The following RECQL5 variants were observed in gnomAD, a reference collection of about 807,000 sequenced individuals.
The protein encoded by RECQL5 is ATP-dependent DNA helicase Q5.
In RECQL5, 88 loss-of-function variants were observed where a neutral mutation model predicts 103.4. That is an observed-to-expected ratio of 0.85 (90% CI 0.72 to 1.02). The LOEUF is 1.02. Ranked by LOEUF, RECQL5 falls within the 50% of genes least tolerant of loss-of-function variation. RECQL5 has a pLI of 0.00. For synonymous variants in RECQL5, 552 were observed against 507.9 expected (o/e 1.09, Z -1.17); for missense variants, 1,232 against 1,284.3 (o/e 0.96, Z 0.62).
At chr17:75,652,010 T>C (rs1282810587) in intron 7 of RECQL5, among the ~76,000 whole-genome samples, 2 of 152,124 alleles carry the variant, frequency 1.3e-5, no homozygotes, top group East Asian at 3.9e-4. Flanking sequence ...GCGGATCACC[T>C]GGGGTCAAGA....
chr17:75,650,965 C>A (rs1464232291), intron 8 of RECQL5: 78 of 1,475,670 alleles, frequency 5.3e-5, no homozygotes, highest in Non-Finnish European at 6.7e-5. Context: ...AAGGACACCA[C>A]TCAGAATACT....
chr17:75,658,163 T>A (rs1326319445), intron 7 of RECQL5, 135 bp downstream of exon 7: 1 of 815,800 alleles, frequency 1.2e-6, no homozygotes, highest in Non-Finnish European at 1.9e-6. Flanking sequence ...AATACGCCAT[T>A]TCCCTTTGCT....
chr17:75,644,188 C>T (rs1172772867), intron 8 of RECQL5, among the ~76,000 whole-genome samples: 1 of 152,102 alleles, frequency 6.6e-6, no homozygotes, highest in East Asian at 1.9e-4. Flanking sequence ...GCCTGTAGTC[C>T]CAGCTACTCG....
intron 8 of RECQL5, chr17:75,634,186 A>T (rs1190353306): frequency 1.0e-6 from 1 of 985,396 alleles, no homozygotes. Flanking sequence ...CTCAGCCCCC[A>T]ACACCTGAGC....
intron 8 of RECQL5, chr17:75,634,068 C>T: frequency 1.0e-6 from 1 of 985,632 alleles, no homozygotes; most frequent in Non-Finnish European, 1.2e-6. Context: ...GCAGAGACAG[C>T]AGCTGGCTGT....
At chr17:75,654,029 C>A (rs1408358517) in intron 7 of RECQL5, among the ~76,000 whole-genome samples, 1 of 152,158 alleles carries the variant, frequency 6.6e-6, no homozygotes, top group African/African-American at 2.4e-5. Flanking sequence ...CAAATACACA[C>A]AGATTCTGTA....
intron 8 of RECQL5, 127 bp from the exon 9 acceptor site, chr17:75,631,795 CCCT>C (rs1450086693): frequency 1.1e-6 from 1 of 912,378 alleles, no homozygotes; most frequent in African/African-American, 1.6e-5. Flanking sequence ...AGCCCCACAC[CCCT>C]CATCTCATCC....
rs2059214017 is a variant in RECQL5 at position 75,631,519 on chromosome 17, G to A, written c.1379C>T (p.Pro460Leu). Residue 460 changes from proline to leucine, a missense_variant, in exon 9 of 20, where the codon CCC (proline) becomes CTC (leucine). By Grantham distance (98) the Pro-to-Leu change is moderately conservative. Coordinates refer to ENST00000317905, the MANE Select transcript of RECQL5 (RefSeq NM_004259.7). ...SSSWSKTCIGPSQGNGFDPEL... is the reference protein window; with the variant it reads ...SSSWSKTCIGLSQGNGFDPEL... The stretch of plus-strand genomic sequence containing the variant: ...GGGGTCAAAGCCGTTCCCCTGGGAG[G>A]GCCCGATGCAGGTCTTGCTCCAGCT... 1.2e-6 allele frequency: 2 copies of A among 1,613,184 alleles called. No individual in the cohort carries two copies. The highest frequency in any genetic ancestry group is 2.7e-5 in the African/African-American group (2 of 74,946).
chr17:75,629,209 G>T lies in RECQL5; in HGVS notation c.2214C>A (p.Gly738=). The T allele has an allele frequency of 6.2e-7, 1 of 1,613,294 alleles. No individual in the cohort carries two copies. The change falls in exon 16 of 20, where the codon GGC becomes GGA. Residue 738 remains glycine, a synonymous_variant. Transcript: ENST00000317905. ...PEKKAKSSSG[G]SSLAKGRASK... ...TAGCCCGGCCCTTGGCAAGGGAGCTGCCCCCAGAGGAACTTTTTGCCTTCT... is the reference window on the plus strand; with the variant it reads ...TAGCCCGGCCCTTGGCAAGGGAGCTTCCCCCAGAGGAACTTTTTGCCTTCT...
chr17:75,647,222 C>A, intron 8 of RECQL5: 1 of 637,940 alleles, frequency 1.6e-6, no homozygotes, highest in Non-Finnish European at 2.7e-6. Context: ...AGCACAAAGA[C>A]TCTAGCCCTT....
rs77335949 is a variant in RECQL5 at position 75,635,268 on chromosome 17, C to A, written c.1230-3600G>T. On this transcript the variant is annotated intron_variant, in intron 8 of 19. Transcript: ENST00000317905. ...TGGGAGGCGCACAGTAGGGAAGAGT[C>A]AGGCCAGGTCGGGGTCGGGGCACAG... is the stretch of plus-strand genomic sequence containing the variant. Among the ~76,000 whole-genome samples, 178 of 152,290 alleles carry A rather than the reference C, an allele frequency of 1.2e-3. 6 individuals are homozygous for A. The East Asian group carries it at 0.029, about 25-fold the overall frequency.
At position 75,640,745 on chromosome 17, in the gene RECQL5, T is replaced by C; in HGVS notation, c.1230-9077A>G. ...TTCTCTGGGAGGAGGGTGGGCATCC[T>C]TTCTCTCCCCCAACCTGAGTCCCGT... On this transcript the variant is annotated intron_variant, in intron 8 of 19. Coordinates refer to ENST00000317905, the MANE Select transcript of RECQL5 (RefSeq NM_004259.7). This position sits in a 1 kb window ranked among gnomAD's most constrained non-coding sequence, Gnocchi z 4.6. 6.5e-7 allele frequency: 1 copy of C among 1,530,960 alleles called. No individual in the cohort carries two copies. The highest frequency in any genetic ancestry group is 8.8e-7 in the Non-Finnish European group (1 of 1,132,724). 94.8% of individuals were successfully genotyped at this position (1,530,960 alleles called of 1,614,324 possible).
chr17:75,634,897 G>A (rs1018608301), intron 8 of RECQL5, among the ~76,000 whole-genome samples: 1 of 152,164 alleles, frequency 6.6e-6, no homozygotes. Flanking sequence ...GCTGGCAACC[G>A]GGACCTCTGC....
chr17:75,650,443 G>T, intron 8 of RECQL5: 1 of 1,337,492 alleles, frequency 7.5e-7, no homozygotes. Context: ...TGAAAATCAG[G>T]AGACGGGTGT....
In RECQL5 at chr17:75,640,692, G is replaced by A. The variant is rs1468067638; in HGVS notation, c.1230-9024C>T. 1.1e-5 allele frequency: 17 copies of A among 1,495,136 alleles called. No individual in the cohort carries two copies. Among genetic ancestry groups the A allele is most frequent in the African/African-American group, 1.4e-5 (1 of 72,392 alleles). 92.6% of individuals were successfully genotyped at this position (1,495,136 alleles called of 1,614,324 possible). On this transcript the variant is annotated intron_variant, in intron 8 of 19. Transcript: ENST00000317905. This position sits in a 1 kb window ranked among gnomAD's most constrained non-coding sequence, Gnocchi z 4.6. Reference sequence around the variant, plus strand: ...TCTTTCTGACCTCCACCAAACCTGTGGGGGAAAGACCCTGGCAGGCAGTGG... The same window carrying A: ...TCTTTCTGACCTCCACCAAACCTGTAGGGGAAAGACCCTGGCAGGCAGTGG...
rs1191774129 is a variant in RECQL5, at chr17:75,629,749, GC to G, written c.1905del (p.Glu635AspfsTer38). Reference protein sequence around the residue: ...KSCSAQAEPPEPNEYDIPPAS... With the variant: ...KSCSAQAEPPXPNEYDIPPAS... ...GCTGGTGGAATGTCATACTCATTGG[GC>G]TCCGGGGGCTCAGCTTGGGCACTGC... On this transcript the variant is annotated frameshift_variant, in exon 15 of 20. Transcript: ENST00000317905. LOFTEE classifies it high-confidence loss of function. The G allele has an allele frequency of 6.2e-7, 1 of 1,613,576 alleles. No individual in the cohort carries two copies. The highest frequency in any genetic ancestry group is 8.5e-7 in the Non-Finnish European group (1 of 1,179,774).
At chr17:75,649,347 A>G (rs1251953496) in intron 8 of RECQL5, 1 of 152,264 alleles carries the variant, frequency 6.6e-6, no homozygotes. Context: ...GAAAGTAGCT[A>G]CAGATAGAGA....
In RECQL5 at chr17:75,641,049, G is replaced by A. The variant is rs571502731; in HGVS notation, c.1230-9381C>T. The A allele has an allele frequency of 1.2e-5, 16 of 1,365,584 alleles. No individual in the cohort carries two copies. The African/African-American group carries it at 2.2e-4, about 19-fold the overall frequency. The allele number at this position is 1,365,584 out of a possible 1,614,324, so 84.6% of individuals were successfully genotyped here. On this transcript the variant is annotated intron_variant, in intron 8 of 19. Coordinates refer to ENST00000317905, the MANE Select transcript of RECQL5 (RefSeq NM_004259.7). ...CCAGGTACCTGGACACTGACAACTT[G>A]AGCCCTACCAAGGAAACAAGGGCTG...
At chr17:75,666,787 G>A (rs1245408061) in intron 1 of RECQL5, 3 of 538,930 alleles carry the variant, frequency 5.6e-6, no homozygotes, top group South Asian at 4.4e-5. Context: ...TGAAAACATT[G>A]AACTATTCCA....
Sources: gnomAD v4.1 joint callset for allele counts (sites outside exome capture counted in the v4.1 genomes callset) on GRCh38, gnomAD v4.1.1 for gene constraint, Gnocchi (gnomAD v3.1) non-coding constraint, MANE v1.5 for transcripts, NCBI Gene and HGNC (gene_info 2026-07-23, HGNC 2026-07-21) for gene names.